AGBL2: variants seen among roughly 807,000 people sequenced by gnomAD.
AGBL2 encodes the protein cytosolic carboxypeptidase 2.
In AGBL2, 87 loss-of-function variants were observed where a neutral mutation model predicts 103.0. The ratio of observed to expected loss-of-function variants is 0.84; its 90% confidence interval spans 0.71 to 1.01. The LOEUF (loss-of-function observed/expected upper bound fraction) is 1.01. AGBL2 is among the 50% of genes least tolerant of loss of function. AGBL2 has a pLI of 0.00. For synonymous variants in AGBL2, 335 were observed against 356.7 expected (o/e 0.94, Z 0.69); for missense variants, 904 against 1,023.5 (o/e 0.88, Z 1.59).
chr11:47,707,948 C>T (rs1295214958), intron 4 of AGBL2, among the ~76,000 whole-genome samples: 1 of 152,010 alleles, frequency 6.6e-6, no homozygotes, highest in Non-Finnish European at 1.5e-5. Context: ...GAGAAAGGGT[C>T]TCTCTATGTT....
rs766430548 is a variant in AGBL2, at chr11:47,690,183, C to T, written c.1524G>A (p.Val508=). 1.2e-6 allele frequency: 2 copies of T among 1,614,192 alleles called. No homozygotes were observed. The highest frequency in any genetic ancestry group is 2.2e-5 in the East Asian group (1 of 44,886). ...CGGCCAAGGAACACCGATAATTCCCCACAATCACACCATCTGGATTTAACA... is the reference window on the plus strand; with the variant it reads ...CGGCCAAGGAACACCGATAATTCCCTACAATCACACCATCTGGATTTAACA... The part of the protein sequence containing the change: ...LPMLNPDGVI[V]GNYRCSLAGR... Residue 508 remains valine (V), a synonymous_variant, in exon 10 of 19, where the codon GTG becomes GTA. Coordinates refer to ENST00000525123, the MANE Select transcript of AGBL2 (RefSeq NM_024783.4).
At chr11:47,670,380 G>A (rs541344672) in intron 14 of AGBL2, among the ~76,000 whole-genome samples, 1 of 152,214 alleles carries the variant, frequency 6.6e-6, no homozygotes, top group East Asian at 1.9e-4. Flanking sequence ...AGACACTTGG[G>A]AGGCTGAGAT....
intron 11 of AGBL2, among the ~76,000 whole-genome samples, chr11:47,682,944 G>A (rs2097407096): frequency 6.6e-6 from 1 of 151,388 alleles, no homozygotes; most frequent in South Asian, 2.1e-4. Flanking sequence ...TTCTGGGTGT[G>A]ATTTCCTGAA....
chr11:47,693,949 G>A lies in AGBL2; in HGVS notation c.695-1693C>T, dbSNP rs943115531. The stretch of plus-strand genomic sequence containing the variant: ...TCATGCCTGTAATCCCAGCACTTTG[G>A]GAGGCTGAAGTGAGAGGATTGCTTG... On this transcript the variant is annotated intron_variant, in intron 8 of 18. Coordinates refer to ENST00000525123, the MANE Select transcript of AGBL2 (RefSeq NM_024783.4). 3.3e-5 allele frequency among the ~76,000 whole-genome samples: 5 copies of A among 152,248 alleles called. No individual in the cohort carries two copies. In the East Asian group the frequency reaches 9.7e-4, roughly 29 times the overall value.
At chr11:47,708,483 C>T (rs916103992) in intron 4 of AGBL2, among the ~76,000 whole-genome samples, 3 of 150,360 alleles carry the variant, frequency 2.0e-5, no homozygotes, top group Admixed American at 6.7e-5. Flanking sequence ...TTTACTTTAT[C>T]AATGGTATTT....
chr11:47,691,729 A>AAAAAATATATATATATATATAT, intron 9 of AGBL2, among the ~76,000 whole-genome samples: 1 of 4,856 alleles, frequency 2.1e-4, no homozygotes, highest in African/African-American at 7.2e-4. Context: ...AAAAAAAAAA[A>AAAAAATATATATATATATATAT]ATATATATAT....
intron 8 of AGBL2, among the ~76,000 whole-genome samples, chr11:47,697,767 C>T (rs1348227177): frequency 6.6e-6 from 1 of 151,294 alleles, no homozygotes; most frequent in African/African-American, 2.4e-5. Context: ...AGGATGGTCT[C>T]AATTTCCTGA....
chr11:47,698,168 ATTTTTTTT>A lies in AGBL2; in HGVS notation c.694+1270_694+1277del, dbSNP rs35161992. ...TGAGCCACCAAGCCCAGTCTACATAATTTTTTTTTTTTTTTTTTTTTTGAGACGGAGTT... is the reference window on the plus strand; with the variant it reads ...TGAGCCACCAAGCCCAGTCTACATAATTTTTTTTTTTTTTGAGACGGAGTT... On this transcript the variant is annotated intron_variant, in intron 8 of 18. Coordinates refer to ENST00000525123, the MANE Select transcript of AGBL2 (RefSeq NM_024783.4). Among the ~76,000 whole-genome samples the A allele has an allele frequency of 1.0e-4, 8 of 79,814 alleles. No homozygotes were observed. In the East Asian group the frequency reaches 1.8e-3, roughly 18 times the overall value. 52.4% of individuals were successfully genotyped at this position (79,814 alleles called of 152,430 possible).
At chr11:47,670,309 G>C (rs1353421279) in intron 14 of AGBL2, among the ~76,000 whole-genome samples, 1 of 152,094 alleles carries the variant, frequency 6.6e-6, no homozygotes, top group Admixed American at 6.6e-5. Context: ...GTACGTCGCT[G>C]TATCTACAAA....
At chr11:47,712,546 A>G (rs1485294620) in intron 3 of AGBL2, among the ~76,000 whole-genome samples, 1 of 152,228 alleles carries the variant, frequency 6.6e-6, no homozygotes, top group East Asian at 1.9e-4. Flanking sequence ...CCCAGTGTTG[A>G]AAAATTGCCA....
chr11:47,676,102 G>T (rs1486213640), intron 14 of AGBL2, among the ~76,000 whole-genome samples: 2 of 151,766 alleles, frequency 1.3e-5, no homozygotes, highest in African/African-American at 2.4e-5. Context: ...CTTGTTCGAG[G>T]TCTCCACTAA....
At chr11:47,703,708 T>C (rs2097506570) in intron 7 of AGBL2, among the ~76,000 whole-genome samples, 1 of 151,690 alleles carries the variant, frequency 6.6e-6, no homozygotes, top group Non-Finnish European at 1.5e-5. Flanking sequence ...GTGGATCACC[T>C]GAGGTTGGGG....
In AGBL2 at chr11:47,690,735, G is replaced by A. The variant is rs2153804255; in HGVS notation, c.972C>T (p.Asn324=). ...TATAAAGACTCTTGGGTTTTAGCAA[G>A]TTGACAATGGTGAAGCGATAGGTAG... ...KDATYRFTIV[N]LLKPKSLYTV... is the part of the protein sequence containing the mutation. The change falls in exon 10 of 19, where the codon AAC becomes AAT. Residue 324 remains asparagine, a synonymous_variant. Coordinates refer to ENST00000525123, the MANE Select transcript of AGBL2 (RefSeq NM_024783.4). 1.2e-6 allele frequency: 2 copies of A among 1,614,134 alleles called. No individual in the cohort carries two copies. Among genetic ancestry groups the A allele is most frequent in the Non-Finnish European group, 8.5e-7 (1 of 1,180,034 alleles).
At position 47,699,531 on chromosome 11, in the gene AGBL2, T is replaced by G. The variant is rs752009402; in HGVS notation, c.609A>C (p.Glu203Asp). ...CATTTCCTTTAGGCTGATAGAAATA[T>G]TCTGGTTGAGGTGGAGCCCACTCTG... Reference protein sequence around the residue: ...HHIEWAPPQPEYFYQPKGNEK... With the variant: ...HHIEWAPPQPDYFYQPKGNEK... Residue 203 changes from glutamate (E) to aspartate (D), a missense_variant, in exon 8 of 19, where the codon GAA becomes GAC. Coordinates refer to ENST00000525123, the MANE Select transcript of AGBL2 (RefSeq NM_024783.4). The G allele has an allele frequency of 1.9e-6, 3 of 1,608,264 alleles. No homozygotes were observed. The Admixed American group carries it at 5.1e-5, about 27-fold the overall frequency.
At chr11:47,699,313 C>G in intron 8 of AGBL2, 133 bp downstream of exon 8, 1 of 491,566 alleles carries the variant, frequency 2.0e-6, no homozygotes, top group Non-Finnish European at 3.5e-6. Flanking sequence ...CTCCTCCAGG[C>G]TCCCACTCAT....
In AGBL2 at chr11:47,682,059, A is replaced by AT; in HGVS notation, c.1824dup (p.Cys609MetfsTer32). 6.2e-7 allele frequency: 1 copy of AT among 1,614,134 alleles called. No individual in the cohort carries two copies. Among genetic ancestry groups the AT allele is most frequent in the Non-Finnish European group, 8.5e-7 (1 of 1,179,998 alleles). ...ACAACTCGTCCTGTTCCTTCTTTGC[A>AT]TTTTTGGACCTTAAAATTACAACTG... On this transcript the variant is annotated frameshift_variant, in exon 12 of 19. Transcript: ENST00000525123. LOFTEE classifies it high-confidence loss of function.
intron 14 of AGBL2, among the ~76,000 whole-genome samples, chr11:47,671,793 T>A (rs2097358419): frequency 6.6e-6 from 1 of 152,208 alleles, no homozygotes; most frequent in South Asian, 2.1e-4. Flanking sequence ...ATGCTGGAAG[T>A]CCTGTTGGTA....
At chr11:47,710,752 G>C (rs2097534349) in intron 3 of AGBL2, 1 of 569,772 alleles carries the variant, frequency 1.8e-6, no homozygotes, top group East Asian at 4.0e-5. Context: ...GCCTGGTGTA[G>C]TGGAGTGAGA....
At position 47,678,338 on chromosome 11, in the gene AGBL2, A is replaced by ATTATTTTTTTTTTTTTTTTTTTT. The variant is rs1565026654; in HGVS notation, c.2017-938_2017-937insAAAAAAAAAAAAAAAAAAAATAA. On this transcript the variant is annotated intron_variant, in intron 13 of 18. Transcript: ENST00000525123. The stretch of plus-strand genomic sequence containing the variant: ...TTATTTTATTTTATTTTATTTTATT[A>ATTATTTTTTTTTTTTTTTTTTTT]TTTTATTTTTTTTGAGACGGAGTCT... Among the ~76,000 whole-genome samples the ATTATTTTTTTTTTTTTTTTTTTT allele has an allele frequency of 3.8e-3, 364 of 95,022 alleles. 16 individuals carry two copies. Among genetic ancestry groups the ATTATTTTTTTTTTTTTTTTTTTT allele is most frequent in the Non-Finnish European group, 6.2e-3 (283 of 45,790 alleles). 62.3% of individuals were successfully genotyped at this position (95,022 alleles called of 152,430 possible). A position where few individuals can be genotyped will look rare whatever the true frequency, so the allele number is the denominator to read the frequency against.
Sources: allele counts gnomAD v4.1 joint callset (sites outside exome capture counted in the v4.1 genomes callset), GRCh38; gene constraint gnomAD v4.1.1; transcripts MANE v1.5; gene names NCBI Gene and HGNC (gene_info 2026-07-23, HGNC 2026-07-21).